Variants in TGIF1 observed in about 807,000 individuals in gnomAD.
TGIF1 encodes homeobox protein TGIF1.
In TGIF1, 4 loss-of-function variants were observed where a neutral mutation model predicts 19.3. The observed-to-expected ratio is 0.21, with a 90% CI of 0.10 to 0.47. The LOEUF (loss-of-function observed/expected upper bound fraction) is 0.47. Among genes scored for constraint, TGIF1 ranks in the 20% least tolerant of loss-of-function variants. The probability of loss-of-function intolerance (pLI) is 0.98; values close to 1 mark genes in which losing one functional copy is unlikely to be tolerated. For missense variants in TGIF1, 275 were observed against 341.4 expected (o/e 0.81, Z 1.53); for synonymous variants, 122 against 129.3 (o/e 0.94, Z 0.38).
At chr18:3,429,708 C>T (rs182678696) in intron 2 of TGIF1, among the ~76,000 whole-genome samples, 1 of 152,304 alleles carries the variant, frequency 6.6e-6, no homozygotes, top group East Asian at 1.9e-4. Context: ...GGTTAAAAAA[C>T]ACAATCAAAG....
Position 3,456,765 on chromosome 18 carries a change from A to C in TGIF1, c.243+185A>C, listed in dbSNP as rs1473257517. On this transcript the variant is annotated intron_variant, in intron 2 of 2. Coordinates refer to ENST00000343820, the MANE Select transcript of TGIF1 (RefSeq NM_003244.4). This position sits in a 1 kb window ranked among gnomAD's most constrained non-coding sequence, Gnocchi z 4.2. ...TTTAGAGAACACAGAAACACTTGAC[A>C]GTCATCTATCAGATAGCATTTCCTT... 12 of 702,466 alleles carry C rather than the reference A, an allele frequency of 1.7e-5. No individual in the cohort carries two copies. The highest frequency in any genetic ancestry group is 2.6e-6 in the Non-Finnish European group (1 of 390,028). The allele number at this position is 702,466 out of a possible 1,614,324, so 43.5% of individuals were successfully genotyped here. A position where few individuals can be genotyped will look rare whatever the true frequency, so the allele number is the denominator to read the frequency against.
At chr18:3,446,264 A>G (rs1452949842), upstream of TGIF1, among the ~76,000 whole-genome samples, 1 of 152,076 alleles carries the variant, frequency 6.6e-6, no homozygotes, top group African/African-American at 2.4e-5. Flanking sequence ...GCTTTCTGCA[A>G]CCTCTGTCTC....
chr18:3,450,666 G>A (rs2143309775), intron 1 of TGIF1, among the ~76,000 whole-genome samples, 161 bp downstream of exon 1: 1 of 152,326 alleles, frequency 6.6e-6, no homozygotes, highest in South Asian at 2.1e-4. Context: ...TGAAACGGCA[G>A]CGGCTGTTTT....
At position 3,431,321 on chromosome 18, in the gene TGIF1, C is replaced by G. The variant is rs137928965; in HGVS notation, c.-45+13106C>G. On this transcript the variant is annotated intron_variant, in intron 2 of 3. Transcript: ENST00000401449. ...AATTAGTCGGGTGTAGTGGTGGGTGCCGGTGATCCCAACTGTTCATGAGGC... is the reference window on the plus strand; with the variant it reads ...AATTAGTCGGGTGTAGTGGTGGGTGGCGGTGATCCCAACTGTTCATGAGGC... 2.9e-3 allele frequency among the ~76,000 whole-genome samples: 435 copies of G among 152,108 alleles called. 2 individuals carry two copies. Among genetic ancestry groups the G allele is most frequent in the African/African-American group, 9.4e-3 (392 of 41,484 alleles).
chr18:3,426,914 C>T (rs1292746628), intron 2 of TGIF1, among the ~76,000 whole-genome samples: 12 of 143,352 alleles, frequency 8.4e-5, no homozygotes, highest in Admixed American at 7.7e-4. Flanking sequence ...TAAGGATGAT[C>T]TCTTTTTTTT....
intron 2 of TGIF1, among the ~76,000 whole-genome samples, chr18:3,440,757 C>A (rs1023438861): frequency 6.6e-6 from 1 of 152,188 alleles, no homozygotes; most frequent in African/African-American, 2.4e-5. Flanking sequence ...TCCATAGTTA[C>A]AATGGACTAT....
chr18:3,413,268 T>C (rs2082293146), intron 1 of TGIF1, among the ~76,000 whole-genome samples: 2 of 152,214 alleles, frequency 1.3e-5, no homozygotes, highest in Admixed American at 1.3e-4. Flanking sequence ...GATGGGAACA[T>C]GGCTTATGAA....
rs1400895137 is a variant in TGIF1, at chr18:3,451,959, G to C, written c.16+1454G>C. ...TGTGGTGGGCCTCCCGGGAATAAGT[G>C]AGGGGCTCTGTGTTTCGAGGATGGT... On this transcript the variant is annotated intron_variant, in intron 1 of 2. Transcript: ENST00000343820. The surrounding 1 kb of genome is among the most constrained non-coding windows in gnomAD (Gnocchi z 5.4). 1.3e-6 allele frequency: 2 copies of C among 1,563,384 alleles called. No homozygotes were observed. The highest frequency in any genetic ancestry group is 2.3e-5 in the East Asian group (1 of 44,426).
Position 3,456,131 on chromosome 18 carries a change from C to T in TGIF1, c.17-223C>T, listed in dbSNP as rs998256142. ...GAAGTTAATGAATCCTAGAGGAAAGCGGCTGAGAAAAGGCATCTGGCATTT... is the reference window on the plus strand; with the variant it reads ...GAAGTTAATGAATCCTAGAGGAAAGTGGCTGAGAAAAGGCATCTGGCATTT... On this transcript the variant is annotated intron_variant, in intron 1 of 2. Transcript: ENST00000343820. This position sits in a 1 kb window ranked among gnomAD's most constrained non-coding sequence, Gnocchi z 4.2. 1.5e-5 allele frequency: 9 copies of T among 612,302 alleles called. No individual in the cohort carries two copies. Among genetic ancestry groups the T allele is most frequent in the South Asian group, 5.5e-5 (3 of 54,182 alleles). 37.9% of individuals were successfully genotyped at this position (612,302 alleles called of 1,614,324 possible).
chr18:3,425,792 G>A (rs987186973), intron 2 of TGIF1, among the ~76,000 whole-genome samples: 5 of 152,204 alleles, frequency 3.3e-5, no homozygotes, highest in Admixed American at 1.3e-4. Flanking sequence ...TGCCAGCATC[G>A]TGTCAACTGA....
At chr18:3,448,690 C>G, upstream of TGIF1, 1 of 905,716 alleles carries the variant, frequency 1.1e-6, no homozygotes, top group Non-Finnish European at 1.3e-6. Flanking sequence ...AAACTCTGGC[C>G]TCCACGCATT....
At chr18:3,450,644 T>G (rs929029140) in intron 1 of TGIF1, 139 bp downstream of exon 1, 3 of 1,509,812 alleles carry the variant, frequency 2.0e-6, no homozygotes, top group Non-Finnish European at 8.9e-7. Context: ...TGCTCTTTGT[T>G]GAGGCTGCGT....
At chr18:3,454,902 G>A (rs1001014137) in intron 1 of TGIF1, among the ~76,000 whole-genome samples, 9 of 152,098 alleles carry the variant, frequency 5.9e-5, no homozygotes, top group Non-Finnish European at 1.3e-4. Context: ...AACTAAAAAT[G>A]TGTCACCAAG....
intron 2 of TGIF1, among the ~76,000 whole-genome samples, chr18:3,426,222 G>A (rs2082466977): frequency 6.9e-6 from 1 of 144,890 alleles, no homozygotes; most frequent in South Asian, 2.2e-4. Context: ...AGGCTGGAGT[G>A]CAGTGACACA....
At chr18:3,450,128 G>A (rs1255023251), upstream of TGIF1, 1 of 1,095,422 alleles carries the variant, frequency 9.1e-7, no homozygotes, top group East Asian at 6.1e-5. Context: ...GGGCGGCTGG[G>A]GGCGGAGGCA....
At chr18:3,448,492 G>A, upstream of TGIF1, 2 of 990,486 alleles carry the variant, frequency 2.0e-6, no homozygotes, top group Non-Finnish European at 1.2e-6. Flanking sequence ...GGCAGCGTCC[G>A]GGCGGGTGGC....
rs1402695210 is a variant in TGIF1 at position 3,451,572 on chromosome 18, C to T, written c.16+1067C>T. ...CGGCGCTACTGCGCATGCCCGGGAG[C>T]CGCCTGGAGTTTGGAACTCCACATT... On this transcript the variant is annotated intron_variant, in intron 1 of 2. Transcript: ENST00000343820. This position sits in a 1 kb window ranked among gnomAD's most constrained non-coding sequence, Gnocchi z 5.4. 7 of 1,022,138 alleles carry T rather than the reference C, an allele frequency of 6.8e-6. No individual in the cohort carries two copies. The highest frequency in any genetic ancestry group is 4.6e-5 in the South Asian group (1 of 21,852). 63.3% of individuals were successfully genotyped at this position (1,022,138 alleles called of 1,614,324 possible).
upstream of TGIF1, chr18:3,448,341 A>G (rs2082786873): frequency 2.0e-6 from 2 of 985,024 alleles, no homozygotes; most frequent in African/African-American, 3.5e-5. Flanking sequence ...AACCCTTCAA[A>G]CGAAATAGCG....
upstream of TGIF1, chr18:3,448,720 T>A: frequency 2.6e-4 from 56 of 214,292 alleles, no homozygotes; most frequent in Non-Finnish European, 3.5e-4. Flanking sequence ...GGGGTGTCTT[T>A]TTTTTTTTTT....
Sources: allele counts gnomAD v4.1 joint callset (sites outside exome capture counted in the v4.1 genomes callset), GRCh38; gene constraint gnomAD v4.1.1; non-coding constraint Gnocchi (gnomAD v3.1); transcripts MANE v1.5; gene names NCBI Gene and HGNC (gene_info 2026-07-23, HGNC 2026-07-21).